Variants in PAPPA observed in about 807,000 individuals in gnomAD.
The protein encoded by PAPPA is pappalysin-1.
In PAPPA, 60 loss-of-function variants were observed where a neutral mutation model predicts 164.0. That is an observed-to-expected ratio of 0.37 (90% CI 0.30 to 0.45). The LOEUF is 0.45. PAPPA is among the 20% of genes least tolerant of loss of function. The pLI is 1.00. For missense variants in PAPPA, 1,782 were observed against 2,087.3 expected (o/e 0.85, Z 2.85); for synonymous variants, 875 against 814.1 (o/e 1.07, Z -1.27).
intron 5 of PAPPA, among the ~76,000 whole-genome samples, chr9:116,220,689 C>G (rs572455019): frequency 3.3e-5 from 5 of 151,704 alleles, no homozygotes; most frequent in Non-Finnish European, 5.9e-5. Context: ...GAGTTCGAGA[C>G]CAGCCTGACC....
intron 10 of PAPPA, among the ~76,000 whole-genome samples, chr9:116,326,943 A>C (rs910961234): frequency 6.6e-6 from 1 of 152,226 alleles, no homozygotes; most frequent in African/African-American, 2.4e-5. Context: ...GTAATATTCC[A>C]TTGTGTGTAT....
chr9:116,361,818 C>G (rs572945693), intron 17 of PAPPA, among the ~76,000 whole-genome samples: 1 of 152,206 alleles, frequency 6.6e-6, no homozygotes, highest in Non-Finnish European at 1.5e-5. Flanking sequence ...AGATTGGACA[C>G]TAACGAATCT....
intron 9 of PAPPA, among the ~76,000 whole-genome samples, chr9:116,284,859 A>T (rs1372984997): frequency 1.3e-5 from 2 of 152,068 alleles, no homozygotes; most frequent in African/African-American, 4.8e-5. Context: ...TCGCCCCATG[A>T]TCATTACTCT....
intron 7 of PAPPA, among the ~76,000 whole-genome samples, chr9:116,249,392 A>G (rs1206708283): frequency 6.6e-6 from 1 of 152,132 alleles, no homozygotes; most frequent in African/African-American, 2.4e-5. Context: ...AGGCCAGAGA[A>G]GTTGACAGGG....
At chr9:116,307,056 A>G (rs1275035840) in intron 10 of PAPPA, among the ~76,000 whole-genome samples, 4 of 152,230 alleles carry the variant, frequency 2.6e-5, no homozygotes, top group Non-Finnish European at 5.9e-5. Context: ...AGAACTATCC[A>G]CAGTGAGATG....
chr9:116,219,553 G>A (rs1313302448), intron 4 of PAPPA, among the ~76,000 whole-genome samples: 1 of 152,154 alleles, frequency 6.6e-6, no homozygotes, highest in South Asian at 2.1e-4. Flanking sequence ...GATATTGAGT[G>A]GGGGGTGAGG....
At position 116,154,155 on chromosome 9, in the gene PAPPA, C is replaced by CGGGGGCGCGGGGGGGGG; in HGVS notation, c.-13_-12insCGCGGGGGGGGGGGGGG. On this transcript the variant is annotated 5_prime_UTR_variant, in exon 1 of 22. Transcript: ENST00000328252. The surrounding 1 kb of genome is among the most constrained non-coding windows in gnomAD (Gnocchi z 5.2). ...TGGCGGTGCAGGGGCGAAGGGGGGG[C>CGGGGGCGCGGGGGGGGG]GGGGGGAACCGTCGGACATGCGGCT... is the stretch of plus-strand genomic sequence containing the variant. 1.5e-5 allele frequency: 7 copies of CGGGGGCGCGGGGGGGGG among 464,526 alleles called. No homozygotes were observed. Among genetic ancestry groups the CGGGGGCGCGGGGGGGGG allele is most frequent in the Non-Finnish European group, 2.0e-5 (7 of 345,290 alleles). 28.8% of individuals were successfully genotyped at this position (464,526 alleles called of 1,614,324 possible). A position where few individuals can be genotyped will look rare whatever the true frequency, so the allele number is the denominator to read the frequency against.
intron 5 of PAPPA, among the ~76,000 whole-genome samples, chr9:116,222,633 A>G (rs1844459753): frequency 1.3e-5 from 2 of 152,114 alleles, no homozygotes; most frequent in Admixed American, 1.3e-4. Flanking sequence ...TATATGTGGA[A>G]TCTAAAAAAA....
chr9:116,280,030 A>G (rs567841466), intron 9 of PAPPA, among the ~76,000 whole-genome samples: 10 of 152,320 alleles, frequency 6.6e-5, no homozygotes, highest in African/African-American at 2.4e-4. Context: ...ATGGGCAGTA[A>G]GGATTGTGTG....
intron 10 of PAPPA, among the ~76,000 whole-genome samples, chr9:116,304,871 A>G (rs1202827399): frequency 2.0e-5 from 3 of 152,210 alleles, no homozygotes; most frequent in African/African-American, 7.2e-5. Flanking sequence ...GGGCTTGGAC[A>G]TAATCTTTGT....
At chr9:116,391,798 T>C (rs909319142) in intron 21 of PAPPA, among the ~76,000 whole-genome samples, 1 of 152,168 alleles carries the variant, frequency 6.6e-6, no homozygotes, top group Non-Finnish European at 1.5e-5. Flanking sequence ...AATCCCCAAA[T>C]GTAAACTGGC....
At chr9:116,364,545 C>T (rs1418503176) in intron 18 of PAPPA, among the ~76,000 whole-genome samples, 1 of 152,144 alleles carries the variant, frequency 6.6e-6, no homozygotes, top group African/African-American at 2.4e-5. Flanking sequence ...AGCACATAAA[C>T]CTATACACAG....
intron 15 of PAPPA, among the ~76,000 whole-genome samples, chr9:116,352,423 G>C (rs1269112928): frequency 1.3e-5 from 2 of 152,180 alleles, no homozygotes; most frequent in Non-Finnish European, 2.9e-5. Flanking sequence ...TTGTGAGTGT[G>C]TCTTTTCTAT....
chr9:116,169,681 A>C (rs975142942), intron 1 of PAPPA, among the ~76,000 whole-genome samples: 1 of 151,514 alleles, frequency 6.6e-6, no homozygotes, highest in Non-Finnish European at 1.5e-5. Flanking sequence ...GGATGTGTCC[A>C]TGCTCCTCCT....
chr9:116,190,937 G>T (rs1258615785), intron 2 of PAPPA, among the ~76,000 whole-genome samples: 1 of 152,150 alleles, frequency 6.6e-6, no homozygotes, highest in East Asian at 1.9e-4. Context: ...GGTTCTGGCC[G>T]ATTCAGCTCT....
rs779881255 is a variant in PAPPA at position 116,187,203 on chromosome 9, G to A, written c.465G>A (p.Val155=). ...TCTCACGTGACCGAGGATGGGTCGT[G>A]GGCATTCACACCATCAGTGACCAAG... The part of the protein sequence containing the change: ...SYISRDRGWV[V]GIHTISDQDN... Residue 155 remains valine (V), a synonymous_variant, in exon 2 of 22, where the codon GTG becomes GTA. Transcript: ENST00000328252. The surrounding 1 kb of genome is among the most constrained non-coding windows in gnomAD (Gnocchi z 4.2). 4 of 1,614,114 alleles carry A rather than the reference G, an allele frequency of 2.5e-6. No homozygotes were observed. Among genetic ancestry groups the A allele is most frequent in the Non-Finnish European group, 3.4e-6 (4 of 1,180,010 alleles).
chr9:116,336,013 GA>G (rs1846056923), intron 13 of PAPPA, among the ~76,000 whole-genome samples: 1 of 152,130 alleles, frequency 6.6e-6, no homozygotes, highest in Non-Finnish European at 1.5e-5. Flanking sequence ...GTTAGAGCTG[GA>G]AAAAGCTTCA....
At position 116,245,707 on chromosome 9, in the gene PAPPA, G is replaced by T. The variant is rs1166349741; in HGVS notation, c.2732+10070G>T. Among the ~76,000 whole-genome samples, 6 of 152,076 alleles carry T rather than the reference G, an allele frequency of 3.9e-5. No homozygotes were observed. In the East Asian group the frequency reaches 7.7e-4, roughly 20 times the overall value. On this transcript the variant is annotated intron_variant, in intron 7 of 21. Transcript: ENST00000328252. ...ATATTTTAATTTATTGTTTTGTTGGGCATGGGGTAGATCAAGAGTTCAGTC... is the reference window on the plus strand; with the variant it reads ...ATATTTTAATTTATTGTTTTGTTGGTCATGGGGTAGATCAAGAGTTCAGTC...
chr9:116,298,676 C>T (rs1357411890), intron 9 of PAPPA, among the ~76,000 whole-genome samples: 1 of 152,156 alleles, frequency 6.6e-6, no homozygotes, highest in Non-Finnish European at 1.5e-5. Context: ...TTTGGTCATT[C>T]GTTCATTCAA....
Sources: allele counts gnomAD v4.1 joint callset (sites outside exome capture counted in the v4.1 genomes callset), GRCh38; gene constraint gnomAD v4.1.1; non-coding constraint Gnocchi (gnomAD v3.1); transcripts MANE v1.5; gene names NCBI Gene and HGNC (gene_info 2026-07-23, HGNC 2026-07-21).